The following PDLIM1 variants were observed in gnomAD, a reference collection of about 807,000 sequenced individuals.
The protein encoded by PDLIM1 is PDZ and LIM domain 1, also known as PDZ and LIM domain protein 1.
PDLIM1 carries 25 observed loss-of-function variants against 35.2 expected under a neutral mutation model. That is an observed-to-expected ratio of 0.71 (90% confidence interval 0.52 to 0.99). The LOEUF (loss-of-function observed/expected upper bound fraction) is 0.99, where lower values mean the gene tolerates loss of function less well. Ranked by LOEUF, PDLIM1 falls within the 50% of genes least tolerant of loss-of-function variation. The pLI, the probability that PDLIM1 is intolerant of heterozygous loss-of-function variation, is 0.00. For synonymous variants in PDLIM1, 152 were observed against 154.0 expected, an observed-to-expected ratio of 0.99 and a Z score of 0.10; for missense variants, 363 against 415.3, an observed-to-expected ratio of 0.87 and a Z score of 1.09.
At chr10:95,265,593 CAAAAAA>C (rs56893525) in intron 3 of PDLIM1, among the ~76,000 whole-genome samples, 31,081 of 83,268 alleles carry the variant, frequency 0.37, 4,398 homozygotes, top group Middle Eastern at 0.48. Context: ...GGAACTCTGT[CAAAAAA>C]AAAAAAAAAA....
intron 5 of PDLIM1, among the ~76,000 whole-genome samples, chr10:95,241,575 CACA>C (rs958602317): frequency 1.3e-5 from 2 of 152,134 alleles, no homozygotes; most frequent in African/African-American, 4.8e-5. Context: ...AGGGCAGCCC[CACA>C]ACAAGGACTC....
intron 1 of PDLIM1, among the ~76,000 whole-genome samples, chr10:95,276,732 G>A (rs1488775994): frequency 1.3e-5 from 2 of 151,908 alleles, no homozygotes. Flanking sequence ...GGAGGAACAG[G>A]GGTTAAGCAG....
At chr10:95,282,407 G>T (rs2035568471) in intron 1 of PDLIM1, among the ~76,000 whole-genome samples, 1 of 152,166 alleles carries the variant, frequency 6.6e-6, no homozygotes, top group African/African-American at 2.4e-5. Context: ...AATGTTCTTG[G>T]TTAGTCTATA....
chr10:95,265,464 G>A (rs1357883797), intron 3 of PDLIM1, among the ~76,000 whole-genome samples: 1 of 151,702 alleles, frequency 6.6e-6, no homozygotes, highest in Admixed American at 6.6e-5. Flanking sequence ...ACATGGTGGC[G>A]CATGCCTGTA....
At chr10:95,241,021 C>A (rs34442634) in intron 5 of PDLIM1, among the ~76,000 whole-genome samples, 1 of 152,204 alleles carries the variant, frequency 6.6e-6, no homozygotes, top group East Asian at 1.9e-4. Context: ...AGTTCCCAGG[C>A]GCCACTGATC....
chr10:95,239,790 C>T (rs997159557), intron 5 of PDLIM1, among the ~76,000 whole-genome samples: 6 of 151,898 alleles, frequency 4.0e-5, no homozygotes, highest in African/African-American at 1.5e-4. Context: ...AGCGAGACTC[C>T]ATCTCAATAA....
At chr10:95,250,700 G>A (rs2035260316) in intron 4 of PDLIM1, among the ~76,000 whole-genome samples, 1 of 152,176 alleles carries the variant, frequency 6.6e-6, no homozygotes, top group African/African-American at 2.4e-5. Context: ...AGTTTTGACG[G>A]CGTAACAGTG....
At chr10:95,280,216 A>C (rs2035549369) in intron 1 of PDLIM1, among the ~76,000 whole-genome samples, 1 of 152,138 alleles carries the variant, frequency 6.6e-6, no homozygotes, top group Non-Finnish European at 1.5e-5. Context: ...TCTCTACTAA[A>C]AATACAAAAA....
intron 4 of PDLIM1, among the ~76,000 whole-genome samples, chr10:95,255,231 T>C (rs2035300216): frequency 1.3e-5 from 2 of 150,640 alleles, no homozygotes; most frequent in South Asian, 4.2e-4. Context: ...TTAAAACTAA[T>C]CCTTCTCAAA....
At chr10:95,261,825 A>G (rs2035364117) in intron 4 of PDLIM1, among the ~76,000 whole-genome samples, 1 of 152,156 alleles carries the variant, frequency 6.6e-6, no homozygotes, top group Non-Finnish European at 1.5e-5. Context: ...CCTGATCAAC[A>G]TGGAGAAACC....
At chr10:95,262,462 C>T (rs796708024) in intron 4 of PDLIM1, among the ~76,000 whole-genome samples, 8 of 152,010 alleles carry the variant, frequency 5.3e-5, no homozygotes, top group African/African-American at 1.7e-4. Flanking sequence ...AGGAGATTTC[C>T]GAAAAAAAGA....
At chr10:95,248,696 G>T (rs962152160) in intron 4 of PDLIM1, among the ~76,000 whole-genome samples, 1 of 152,222 alleles carries the variant, frequency 6.6e-6, no homozygotes. Context: ...TCACAGAGGA[G>T]AAAGTCCCTC....
At chr10:95,286,375 C>G (rs908311392) in intron 1 of PDLIM1, among the ~76,000 whole-genome samples, 6 of 151,872 alleles carry the variant, frequency 4.0e-5, no homozygotes, top group Admixed American at 6.6e-5. Context: ...AAAAGTAGCT[C>G]TCATATTCAA....
intron 3 of PDLIM1, among the ~76,000 whole-genome samples, chr10:95,264,440 G>A (rs576984460): frequency 6.6e-6 from 1 of 152,334 alleles, no homozygotes; most frequent in Non-Finnish European, 1.5e-5. Flanking sequence ...AAAGCACTAG[G>A]TGAAGAGAAA....
intron 1 of PDLIM1, among the ~76,000 whole-genome samples, chr10:95,286,042 T>C (rs2035599019): frequency 1.3e-5 from 2 of 152,300 alleles, no homozygotes; most frequent in South Asian, 4.1e-4. Context: ...GTACAACTAA[T>C]GCCATGAGAG....
rs551005078 is a variant in PDLIM1 at position 95,285,862 on chromosome 10, A to G, written c.96+4958T>C. 3.2e-4 allele frequency among the ~76,000 whole-genome samples: 49 copies of G among 152,372 alleles called. 1 individual carries two copies. In the South Asian group the frequency reaches 0.01, roughly 32 times the overall value. ...GTCTTAGAATGGTGCCTGGCATATT[A>G]AAAGTCCTATATATGTTTTAACTAT... On this transcript the variant is annotated intron_variant, in intron 1 of 6. Transcript: ENST00000329399.
Position 95,238,695 on chromosome 10 carries a change from G to A in PDLIM1, c.686-10C>T, listed in dbSNP as rs547524648. ...GGCTTGTTGGGATCCCCTGAAATGA[G>A]GAAAACACTGTCATTGGCCAGGAAG... is the stretch of plus-strand genomic sequence containing the variant. On this transcript the variant is annotated splice_polypyrimidine_tract_variant and intron_variant, in intron 5 of 6. Transcript: ENST00000329399. 1.9e-6 allele frequency: 3 copies of A among 1,542,728 alleles called. No homozygotes were observed. The South Asian group carries it at 3.4e-5, about 17-fold the overall frequency.
At chr10:95,268,904 T>C in intron 2 of PDLIM1, 42 bp from the exon 3 acceptor site, 1 of 1,364,338 alleles carries the variant, frequency 7.3e-7, no homozygotes. Context: ...TCATGTAAAA[T>C]AAATAATATA....
chr10:95,268,632 T>C, intron 3 of PDLIM1, 146 bp downstream of exon 3: 1 of 654,634 alleles, frequency 1.5e-6, no homozygotes, highest in African/African-American at 1.8e-5. Flanking sequence ...CGGGAAGAAC[T>C]GAACAAGAGC....
Sources: gnomAD v4.1 joint callset for allele counts (sites outside exome capture counted in the v4.1 genomes callset) on GRCh38, gnomAD v4.1.1 for gene constraint, MANE v1.5 for transcripts, NCBI Gene and HGNC (gene_info 2026-07-23, HGNC 2026-07-21) for gene names.